TIAM1: variants seen among roughly 807,000 people sequenced by gnomAD.
TIAM1 encodes the protein rho guanine nucleotide exchange factor TIAM1.
TIAM1 carries 65 observed loss-of-function variants against 163.5 expected under a neutral mutation model. That is an observed-to-expected ratio of 0.40 (90% CI 0.33 to 0.49). The LOEUF (loss-of-function observed/expected upper bound fraction) is 0.49, where lower values mean the gene tolerates loss of function less well. Among genes scored for constraint, TIAM1 ranks in the 20% least tolerant of loss-of-function variants. The pLI is 0.77. For missense variants in TIAM1, 1,789 were observed against 2,044.7 expected (o/e 0.87, Z 2.41); for synonymous variants, 833 against 810.1 (o/e 1.03, Z -0.48).
rs141479863 is a variant in TIAM1 at position 31,166,757 on chromosome 21, G to A, written c.2888-1692C>T. ...TGCCATTGCCAAAGCAAAAGTGCTTGAATATTTTGCACAGGGGCAATGACC... is the reference window on the plus strand; with the variant it reads ...TGCCATTGCCAAAGCAAAAGTGCTTAAATATTTTGCACAGGGGCAATGACC... On this transcript the variant is annotated intron_variant, in intron 15 of 27. Coordinates refer to ENST00000541036, the MANE Select transcript of TIAM1 (RefSeq NM_001353694.2). Among the ~76,000 whole-genome samples the A allele has an allele frequency of 3.3e-5, 5 of 152,330 alleles. No individual in the cohort carries two copies. In the East Asian group the frequency reaches 9.6e-4, roughly 29 times the overall value.
intron 24 of TIAM1, among the ~76,000 whole-genome samples, chr21:31,130,536 G>C (rs2082376427): frequency 1.3e-5 from 2 of 152,156 alleles, no homozygotes; most frequent in Non-Finnish European, 1.5e-5. Context: ...AGCAAATGCA[G>C]TGAAGAGAGA....
chr21:31,362,491 A>C (rs1260912392), intron 2 of TIAM1, among the ~76,000 whole-genome samples: 1 of 142,524 alleles, frequency 7.0e-6, no homozygotes, highest in East Asian at 2.2e-4. Context: ...ATTTGAGAAA[A>C]GGTCTCGCTT....
chr21:31,440,599 ATGGC>A (rs1056155348), intron 2 of TIAM1, among the ~76,000 whole-genome samples: 1 of 152,144 alleles, frequency 6.6e-6, no homozygotes, highest in Non-Finnish European at 1.5e-5. Context: ...TGAAAGACAA[ATGGC>A]TGGGCATGGT....
At chr21:31,450,043 G>T (rs997982187) in intron 2 of TIAM1, among the ~76,000 whole-genome samples, 1 of 152,162 alleles carries the variant, frequency 6.6e-6, no homozygotes, top group Non-Finnish European at 1.5e-5. Flanking sequence ...CAGAATATAA[G>T]GGATAATGGA....
In TIAM1 at chr21:31,282,349, G is replaced by A. The variant is rs542957435; in HGVS notation, c.-188-5441C>T. On this transcript the variant is annotated intron_variant, in intron 2 of 27. Coordinates refer to ENST00000541036, the MANE Select transcript of TIAM1 (RefSeq NM_001353694.2). ...CTTGAAAATTATTTTTTTAAAAACC[G>A]CAATTCAGCAGCAAGCAGCCGTCTT... 8.5e-5 allele frequency among the ~76,000 whole-genome samples: 13 copies of A among 152,286 alleles called. No homozygotes were observed. The South Asian group carries it at 2.1e-3, about 24-fold the overall frequency.
chr21:31,154,269 T>C lies in TIAM1; in HGVS notation c.3149A>G (p.Glu1050Gly). Residue 1050 changes from glutamate to glycine, a missense_variant, in exon 17 of 28, where the codon GAG becomes GGG. Around this residue, in one of 5 missense-constraint regions of TIAM1, gnomAD observed 303 missense variants for 321.3 expected, o/e 0.94. Transcript: ENST00000541036. ...TACCTTCACGTAGGTGCGCTCCGTCTCCAGGAGCTCGCAGATCACCTTGCG... is the reference window on the plus strand; with the variant it reads ...TACCTTCACGTAGGTGCGCTCCGTCCCCAGGAGCTCGCAGATCACCTTGCG... ...KLRKVICELLETERTYVKDLN... is the reference protein window; with the variant it reads ...KLRKVICELLGTERTYVKDLN... 2 of 1,613,966 alleles carry C rather than the reference T, an allele frequency of 1.2e-6. No individual in the cohort carries two copies. Among genetic ancestry groups the C allele is most frequent in the Middle Eastern group, 1.6e-4 (1 of 6,062 alleles).
At chr21:31,238,413 G>A (rs968105631) in intron 6 of TIAM1, among the ~76,000 whole-genome samples, 2 of 152,124 alleles carry the variant, frequency 1.3e-5, no homozygotes, top group African/African-American at 2.4e-5. Context: ...AGACACAAAG[G>A]TTTTCAAAAC....
At chr21:31,295,210 C>T (rs1391502926) in intron 2 of TIAM1, among the ~76,000 whole-genome samples, 31 of 152,138 alleles carry the variant, frequency 2.0e-4, no homozygotes, top group Admixed American at 1.9e-3. Context: ...GTGGCTTACG[C>T]CTGCAATCCC....
At chr21:31,172,296 AGTTT>A (rs1403871035) in intron 15 of TIAM1, among the ~76,000 whole-genome samples, 5 of 152,110 alleles carry the variant, frequency 3.3e-5, no homozygotes, top group Non-Finnish European at 4.4e-5. Context: ...AACATGGTCA[AGTTT>A]GTTTGTTTTT....
chr21:31,150,746 A>C (rs1240159392), intron 19 of TIAM1, among the ~76,000 whole-genome samples: 1 of 152,192 alleles, frequency 6.6e-6, no homozygotes. Context: ...ACTTCATCAA[A>C]ATTAAAAACT....
At position 31,190,177 on chromosome 21, in the gene TIAM1, G is replaced by A. The variant is rs537636223; in HGVS notation, c.2576-3090C>T. On this transcript the variant is annotated intron_variant, in intron 13 of 27. Coordinates refer to ENST00000541036, the MANE Select transcript of TIAM1 (RefSeq NM_001353694.2). ...CCCAGCACTCTTGGAAGGCTGAGGC[G>A]GGAGGAAAGCATGAGCCCAGGAGTT... Among the ~76,000 whole-genome samples the A allele has an allele frequency of 1.1e-4, 17 of 152,270 alleles. No individual in the cohort carries two copies. The South Asian group carries it at 3.3e-3, about 30-fold the overall frequency.
At chr21:31,199,949 A>T (rs1397442713) in intron 12 of TIAM1, among the ~76,000 whole-genome samples, 1 of 152,042 alleles carries the variant, frequency 6.6e-6, no homozygotes, top group East Asian at 1.9e-4. Flanking sequence ...AATAAAATAA[A>T]ATAGCAACAA....
intron 2 of TIAM1, among the ~76,000 whole-genome samples, chr21:31,296,528 CA>C (rs1374661182): frequency 6.6e-6 from 1 of 152,148 alleles, no homozygotes; most frequent in African/African-American, 2.4e-5. Context: ...AGATAATCCA[CA>C]AGAGAAAAAG....
At chr21:31,411,062 G>A (rs1390012833) in intron 2 of TIAM1, among the ~76,000 whole-genome samples, 1 of 152,096 alleles carries the variant, frequency 6.6e-6, no homozygotes, top group Admixed American at 6.6e-5. Context: ...CACTGGGGAT[G>A]ATTTAGAACC....
At chr21:31,530,621 CT>C (rs898497221) in intron 1 of TIAM1, among the ~76,000 whole-genome samples, 5 of 152,348 alleles carry the variant, frequency 3.3e-5, no homozygotes, top group South Asian at 2.1e-4. Flanking sequence ...ATGAGCCCCC[CT>C]GGTGGGCACA....
At chr21:31,497,064 A>G (rs4816400) in intron 1 of TIAM1, among the ~76,000 whole-genome samples, 127,854 of 152,178 alleles carry the variant, frequency 0.84, 53,984 homozygotes, top group African/African-American at 0.9. Flanking sequence ...CCCACCTGCC[A>G]CTCACCTCCA....
At chr21:31,265,277 T>C (rs768581279) in intron 4 of TIAM1, among the ~76,000 whole-genome samples, 1 of 143,216 alleles carries the variant, frequency 7.0e-6, no homozygotes, top group Non-Finnish European at 1.5e-5. Context: ...CTTAGTTTCC[T>C]CCCCACGGTT....
At chr21:31,534,263 T>G (rs1044244765) in intron 1 of TIAM1, among the ~76,000 whole-genome samples, 1 of 152,198 alleles carries the variant, frequency 6.6e-6, no homozygotes, top group African/African-American at 2.4e-5. Context: ...TCTCCATGCC[T>G]TATTAAAAAG....
intron 2 of TIAM1, among the ~76,000 whole-genome samples, chr21:31,363,316 T>G (rs940340264): frequency 6.6e-6 from 1 of 152,144 alleles, no homozygotes; most frequent in East Asian, 1.9e-4. Context: ...AGCCTTACCC[T>G]GACTGGTACA....
Sources: gnomAD v4.1 joint callset for allele counts (sites outside exome capture counted in the v4.1 genomes callset) on GRCh38, gnomAD v4.1.1 for gene constraint, gnomAD v4.1.1 regional missense constraint, MANE v1.5 for transcripts, NCBI Gene and HGNC (gene_info 2026-07-23, HGNC 2026-07-21) for gene names.